DGKB: variants seen among roughly 807,000 people sequenced by gnomAD.
DGKB encodes diacylglycerol kinase beta.
In DGKB, 67 loss-of-function variants were observed where a neutral mutation model predicts 114.3. That is an observed-to-expected ratio of 0.59 (90% CI 0.48 to 0.72). DGKB has a LOEUF of 0.72. DGKB is among the 30% of genes least tolerant of loss of function. The pLI is 0.00. For missense variants in DGKB, 907 were observed against 975.2 expected, an observed-to-expected ratio of 0.93 and a Z score of 0.93; for synonymous variants, 398 against 323.1, an observed-to-expected ratio of 1.23 and a Z score of -2.49.
At chr7:14,358,279 C>A (rs185752039) in intron 21 of DGKB, among the ~76,000 whole-genome samples, 203 of 152,254 alleles carry the variant, frequency 1.3e-3, no homozygotes, top group Non-Finnish European at 2.4e-3. Flanking sequence ...TTCTTGGAGG[C>A]TTTGTTCATT....
At chr7:14,177,027 A>G (rs1781848942) in intron 24 of DGKB, 128 bp from the exon 25 acceptor site, 6 of 1,007,746 alleles carry the variant, frequency 6.0e-6, no homozygotes, top group East Asian at 5.0e-5. Context: ...TTTATCTCCA[A>G]TGAAAGGAGC....
chr7:14,925,514 T>C (rs143899943), intron 1 of DGKB, among the ~76,000 whole-genome samples: 1 of 152,146 alleles, frequency 6.6e-6, no homozygotes, highest in South Asian at 2.1e-4. Flanking sequence ...TTTTATTATG[T>C]TGAGTTGTCT....
At chr7:14,966,200 T>C (rs990104004) in intron 1 of DGKB, among the ~76,000 whole-genome samples, 5 of 151,966 alleles carry the variant, frequency 3.3e-5, no homozygotes, top group South Asian at 2.1e-4. Context: ...AAAAGAAAAA[T>C]ACAATTTGAC....
intron 23 of DGKB, among the ~76,000 whole-genome samples, chr7:14,303,194 T>C (rs1420697959): frequency 6.6e-6 from 1 of 152,138 alleles, no homozygotes; most frequent in Non-Finnish European, 1.5e-5. Context: ...GGAAAGTAAA[T>C]GTTTTAGTTC....
At chr7:14,652,877 T>C (rs1432188058) in intron 13 of DGKB, among the ~76,000 whole-genome samples, 5 of 152,156 alleles carry the variant, frequency 3.3e-5, no homozygotes, top group Non-Finnish European at 5.9e-5. Flanking sequence ...AGAAGACATT[T>C]ATGCAGCCAA....
At chr7:14,334,102 T>G (rs767996174) in intron 23 of DGKB, among the ~76,000 whole-genome samples, 5 of 152,184 alleles carry the variant, frequency 3.3e-5, no homozygotes. Context: ...CATTTTCATT[T>G]AGGTATCATC....
At chr7:14,962,635 TTTGTGTGTG>T in intron 1 of DGKB, among the ~76,000 whole-genome samples, 1 of 140,044 alleles carries the variant, frequency 7.1e-6, no homozygotes, top group African/African-American at 2.8e-5. Context: ...TGTGTGTGTG[TTTGTGTGTG>T]TGTGTGTGTG....
intron 1 of DGKB, among the ~76,000 whole-genome samples, chr7:14,902,150 T>C (rs1783189564): frequency 6.6e-6 from 1 of 152,200 alleles, no homozygotes; most frequent in African/African-American, 2.4e-5. Context: ...TTTGTTTGCT[T>C]GCTTGCTTGT....
chr7:14,520,899 A>G (rs1315328826), intron 20 of DGKB, among the ~76,000 whole-genome samples: 2 of 152,076 alleles, frequency 1.3e-5, no homozygotes, highest in African/African-American at 4.8e-5. Context: ...TTCATTATTA[A>G]ATGATTCTAT....
At chr7:14,811,411 A>G (rs915490794) in intron 2 of DGKB, among the ~76,000 whole-genome samples, 3 of 152,164 alleles carry the variant, frequency 2.0e-5, no homozygotes, top group African/African-American at 7.2e-5. Context: ...AGTTGCTCTC[A>G]GTTTTAAATT....
intron 20 of DGKB, among the ~76,000 whole-genome samples, chr7:14,520,210 A>ATTTT (rs386409562): frequency 0.063 from 7,440 of 119,006 alleles, 562 homozygotes; most frequent in East Asian, 0.37. Flanking sequence ...CTTTTTTCCT[A>ATTTT]TTTTTTTTTT....
intron 23 of DGKB, among the ~76,000 whole-genome samples, chr7:14,335,222 G>A (rs1301714606): frequency 6.6e-6 from 1 of 152,074 alleles, no homozygotes; most frequent in Admixed American, 6.6e-5. Flanking sequence ...AGGACTTAAT[G>A]CTCCAAACCT....
intron 1 of DGKB, among the ~76,000 whole-genome samples, chr7:14,887,606 C>T (rs1190347385): frequency 2.0e-5 from 3 of 151,648 alleles, no homozygotes; most frequent in Non-Finnish European, 4.4e-5. Flanking sequence ...ATCTTAGAGA[C>T]ATTTCAAATA....
At chr7:14,405,706 C>G (rs1462922961) in intron 21 of DGKB, among the ~76,000 whole-genome samples, 2 of 151,926 alleles carry the variant, frequency 1.3e-5, no homozygotes, top group African/African-American at 4.8e-5. Flanking sequence ...GGTTGTGCCT[C>G]ATGAAACAAA....
chr7:14,224,957 C>T (rs1343555050), intron 23 of DGKB, among the ~76,000 whole-genome samples: 1 of 151,950 alleles, frequency 6.6e-6, no homozygotes, highest in African/African-American at 2.4e-5. Flanking sequence ...TTCCTGAGGT[C>T]GGTGTTTGAG....
intron 23 of DGKB, among the ~76,000 whole-genome samples, chr7:14,288,513 A>C (rs1313582338): frequency 6.6e-6 from 1 of 152,072 alleles, no homozygotes; most frequent in Non-Finnish European, 1.5e-5. Context: ...CTTCTGGCCA[A>C]CTTAAGAGTC....
chr7:14,161,686 G>A (rs1352095790), intron 25 of DGKB, among the ~76,000 whole-genome samples: 1 of 151,984 alleles, frequency 6.6e-6, no homozygotes, highest in Admixed American at 6.6e-5. Context: ...GGCAAGGGGA[G>A]GGATAGCATT....
intron 2 of DGKB, among the ~76,000 whole-genome samples, chr7:14,833,712 A>G (rs950008377): frequency 1.3e-5 from 2 of 152,148 alleles, no homozygotes; most frequent in Admixed American, 1.3e-4. Context: ...ATGCTCATAC[A>G]CAAATATGTC....
At chr7:14,718,233 C>T (rs1828540285) in intron 6 of DGKB, among the ~76,000 whole-genome samples, 1 of 152,046 alleles carries the variant, frequency 6.6e-6, no homozygotes, top group South Asian at 2.1e-4. Flanking sequence ...TTTATGAAAA[C>T]AACACAAAGG....
Sources: allele counts gnomAD v4.1 joint callset (sites outside exome capture counted in the v4.1 genomes callset), GRCh38; gene constraint gnomAD v4.1.1; transcripts MANE v1.5; gene names NCBI Gene and HGNC (gene_info 2026-07-23, HGNC 2026-07-21).